Variants in OIP5 observed in about 807,000 individuals in gnomAD.
OIP5 encodes Opa interacting protein 5.
OIP5 carries 24 observed loss-of-function variants against 20.3 expected under a neutral mutation model. That is an observed-to-expected ratio of 1.18 (90% CI 0.86 to 1.66). The LOEUF (loss-of-function observed/expected upper bound fraction) is 1.66. OIP5 is among the 40% of genes most tolerant of loss of function. The pLI is 0.00. For missense variants in OIP5, 339 were observed against 289.5 expected, an observed-to-expected ratio of 1.17 and a Z score of -1.24; for synonymous variants, 143 against 121.3, an observed-to-expected ratio of 1.18 and a Z score of -1.17.
intron 2 of OIP5, among the ~76,000 whole-genome samples, chr15:41,325,350 G>A (rs1020390256): frequency 6.6e-6 from 1 of 152,016 alleles, no homozygotes. Flanking sequence ...AGCTTGCAGT[G>A]AGCCTAGATC....
rs370443628 is a variant in OIP5, at chr15:41,310,020, C to G, written c.595-171G>C. Reference sequence around the variant, plus strand: ...CCTCCCACTTCAGCCTCCTGATTAGCTAGGACTACAGTCATGTGTTTTAAA... The same window carrying G: ...CCTCCCACTTCAGCCTCCTGATTAGGTAGGACTACAGTCATGTGTTTTAAA... On this transcript the variant is annotated intron_variant, in intron 4 of 4. Transcript: ENST00000220514. Among the ~76,000 whole-genome samples the G allele has an allele frequency of 3.9e-5, 6 of 152,318 alleles. No individual in the cohort carries two copies. The East Asian group carries it at 1.2e-3, about 29-fold the overall frequency.
At chr15:41,313,130 ATT>A in intron 4 of OIP5, 141 bp downstream of exon 4, 1 of 643,192 alleles carries the variant, frequency 1.6e-6, no homozygotes, top group Non-Finnish European at 2.7e-6. Flanking sequence ...TTTGTTTTTC[ATT>A]ACAAATTCAA....
At chr15:41,324,576 G>A (rs1049565057) in intron 2 of OIP5, among the ~76,000 whole-genome samples, 1 of 151,672 alleles carries the variant, frequency 6.6e-6, no homozygotes, top group East Asian at 1.9e-4. Flanking sequence ...TGCAACCTCC[G>A]CCTCCCGGGT....
intron 2 of OIP5, among the ~76,000 whole-genome samples, chr15:41,331,293 AGTT>A: frequency 6.6e-6 from 1 of 152,324 alleles, no homozygotes; most frequent in East Asian, 1.9e-4. Context: ...ATAACATTCT[AGTT>A]GTGTTTTTCT....
At chr15:41,311,102 T>C (rs1018845580) in intron 4 of OIP5, among the ~76,000 whole-genome samples, 2 of 152,136 alleles carry the variant, frequency 1.3e-5, no homozygotes, top group African/African-American at 2.4e-5. Flanking sequence ...AACCTGGCAC[T>C]CACACCTGTA....
intron 3 of OIP5, among the ~76,000 whole-genome samples, chr15:41,318,023 T>C (rs970289968): frequency 2.6e-5 from 4 of 152,022 alleles, no homozygotes; most frequent in African/African-American, 4.8e-5. Context: ...GAATCACACA[T>C]GATACAAATC....
At position 41,331,985 on chromosome 15, in the gene OIP5, G is replaced by A; in HGVS notation, c.323-4C>T. The stretch of plus-strand genomic sequence containing the variant: ...AAAACGACGTTATTTGTAACTCCTA[G>A]GAAGACAAACACGGGTCAGAACCCA... On this transcript the variant is annotated splice_polypyrimidine_tract_variant and splice_region_variant and intron_variant, in intron 1 of 4. Transcript: ENST00000220514. 3 of 1,613,774 alleles carry A rather than the reference G, an allele frequency of 1.9e-6. No homozygotes were observed. Among genetic ancestry groups the A allele is most frequent in the South Asian group, 2.2e-5 (2 of 91,080 alleles).
chr15:41,317,920 T>C (rs1177272231), intron 3 of OIP5, among the ~76,000 whole-genome samples: 1 of 151,980 alleles, frequency 6.6e-6, no homozygotes, highest in Non-Finnish European at 1.5e-5. Flanking sequence ...GCTCAAACAA[T>C]CCTCCAACTC....
In OIP5 at chr15:41,313,303, T is replaced by C; in HGVS notation, c.564A>G (p.Gln188=). The change falls in exon 4 of 5, where the codon CAA becomes CAG. Residue 188 remains glutamine, a synonymous_variant. Transcript: ENST00000220514. ...CAATCTTTTCTGATAGAGGAACATT[T>C]TGAATATCCATCTCTGATGCATTTA... ...AIVNASEMDI[Q]NVPLSEKIAE... The C allele has an allele frequency of 6.2e-7, 1 of 1,605,900 alleles. No individual in the cohort carries two copies. The highest frequency in any genetic ancestry group is 1.7e-4 in the Middle Eastern group (1 of 6,050).
At chr15:41,320,892 G>A (rs1016606196) in intron 2 of OIP5, among the ~76,000 whole-genome samples, 4 of 151,274 alleles carry the variant, frequency 2.6e-5, no homozygotes, top group Non-Finnish European at 5.9e-5. Flanking sequence ...GTCTCTGCCC[G>A]GCCTCCCATG....
intron 2 of OIP5, among the ~76,000 whole-genome samples, chr15:41,330,112 CAG>C (rs909003507): frequency 3.3e-5 from 5 of 150,952 alleles, no homozygotes; most frequent in Admixed American, 1.3e-4. Flanking sequence ...TTTTTTAAGA[CAG>C]AGTTTCGCTC....
intron 1 of OIP5, 65 bp downstream of exon 1, chr15:41,332,175 T>C: frequency 2.0e-6 from 3 of 1,478,346 alleles, no homozygotes; most frequent in Admixed American, 2.0e-5. Context: ...CGCCACCCGG[T>C]GGAGAAAGCG....
At chr15:41,324,770 G>A (rs1232209344) in intron 2 of OIP5, among the ~76,000 whole-genome samples, 2 of 152,158 alleles carry the variant, frequency 1.3e-5, no homozygotes, top group East Asian at 1.9e-4. Context: ...GATTACAAGC[G>A]TGAGCCACCG....
chr15:41,314,009 T>C (rs2047774792), intron 3 of OIP5, among the ~76,000 whole-genome samples: 1 of 152,180 alleles, frequency 6.6e-6, no homozygotes. Flanking sequence ...GATTATAAGC[T>C]TTACACTTCA....
chr15:41,312,463 G>C (rs1023723880), intron 4 of OIP5, among the ~76,000 whole-genome samples: 4 of 151,774 alleles, frequency 2.6e-5, no homozygotes, highest in Admixed American at 1.3e-4. Flanking sequence ...GCCCAGGCAA[G>C]AATTATTTTT....
chr15:41,319,239 C>T (rs1255153507), intron 3 of OIP5, among the ~76,000 whole-genome samples: 2 of 142,030 alleles, frequency 1.4e-5, no homozygotes, highest in Admixed American at 1.4e-4. Flanking sequence ...TGCCCAGCTA[C>T]TTTTTTTTTT....
At position 41,321,186 on chromosome 15, in the gene OIP5, G is replaced by A. The variant is rs1482684620; in HGVS notation, c.390-1406C>T. On this transcript the variant is annotated intron_variant, in intron 2 of 4. Coordinates refer to ENST00000220514, the MANE Select transcript of OIP5 (RefSeq NM_007280.2). The stretch of plus-strand genomic sequence containing the variant: ...AGCCCCCCGCCCAGCCAGCCGCCCC[G>A]TCCAGGAGGGAGGTGGGGGGGTCAG... Among the ~76,000 whole-genome samples the A allele has an allele frequency of 3.9e-4, 59 of 150,644 alleles. 1 individual carries two copies. Among genetic ancestry groups the A allele is most frequent in the African/African-American group, 1.3e-3 (55 of 40,840 alleles).
intron 2 of OIP5, among the ~76,000 whole-genome samples, chr15:41,321,590 T>G (rs1399158262): frequency 6.6e-6 from 1 of 152,178 alleles, no homozygotes; most frequent in Non-Finnish European, 1.5e-5. Context: ...GAAAAATTCT[T>G]CTGCCTTGGG....
chr15:41,325,326 A>T (rs1486242597), intron 2 of OIP5, among the ~76,000 whole-genome samples: 2 of 152,062 alleles, frequency 1.3e-5, no homozygotes, highest in Non-Finnish European at 2.9e-5. Context: ...GAATGGTGTG[A>T]ACCCAGGAGG....
Sources: allele counts gnomAD v4.1 joint callset (sites outside exome capture counted in the v4.1 genomes callset), GRCh38; gene constraint gnomAD v4.1.1; transcripts MANE v1.5; gene names NCBI Gene and HGNC (gene_info 2026-07-23, HGNC 2026-07-21).